Variants in GTF2H5 observed in about 807,000 individuals in gnomAD.
The protein encoded by GTF2H5 is TFB5 ortholog.
In GTF2H5, 5 loss-of-function variants were observed where a neutral mutation model predicts 7.1. The observed-to-expected ratio is 0.71, with a 90% confidence interval of 0.37 to 1.49. The LOEUF is 1.49. GTF2H5 is among the 40% of genes most tolerant of loss of function. The pLI is 0.03. For missense variants in GTF2H5, 80 were observed against 83.0 expected, an observed-to-expected ratio of 0.96 and a Z score of 0.14; for synonymous variants, 30 against 31.7, an observed-to-expected ratio of 0.95 and a Z score of 0.18.
At chr6:158,190,677 T>C in intron 2 of GTF2H5, 1 of 455,496 alleles carries the variant, frequency 2.2e-6, no homozygotes, top group Non-Finnish European at 4.4e-6. Flanking sequence ...TACTTAAATC[T>C]TATTTTTCTT....
At position 158,192,295 on chromosome 6, in the gene GTF2H5, T is replaced by C; in HGVS notation, c.*138T>C. On this transcript the variant is annotated 3_prime_UTR_variant, in exon 3 of 3. Coordinates refer to ENST00000607778, the MANE Select transcript of GTF2H5 (RefSeq NM_207118.3). ...GGGAAAGACTGAGGGATCATGATCATTTGTTCAGAAAAAAAGCCCCTGAAC... is the reference window on the plus strand; with the variant it reads ...GGGAAAGACTGAGGGATCATGATCACTTGTTCAGAAAAAAAGCCCCTGAAC... 1 of 682,276 alleles carries C rather than the reference T, an allele frequency of 1.5e-6. No homozygotes were observed. Among genetic ancestry groups the C allele is most frequent in the Non-Finnish European group, 2.6e-6 (1 of 386,836 alleles). The allele number at this position is 682,276 out of a possible 1,614,324, so 42.3% of individuals were successfully genotyped here. A position where few individuals can be genotyped will look rare whatever the true frequency, so the allele number is the denominator to read the frequency against.
intron 2 of GTF2H5, among the ~76,000 whole-genome samples, chr6:158,173,290 AT>A (rs538030545): frequency 1.5e-4 from 23 of 152,104 alleles, no homozygotes; most frequent in Non-Finnish European, 2.5e-4. Context: ...AGTCTGCACA[AT>A]TTTTCAAAAG....
chr6:158,172,204 T>TATTC (rs1785866894), intron 2 of GTF2H5, among the ~76,000 whole-genome samples: 1 of 152,198 alleles, frequency 6.6e-6, no homozygotes, highest in African/African-American at 2.4e-5. Flanking sequence ...GTTTGTTAAA[T>TATTC]ATTCACTTCT....
chr6:158,169,772 A>ATATATTGTATATTATATATT (rs1187068824), intron 1 of GTF2H5, among the ~76,000 whole-genome samples: 21 of 53,932 alleles, frequency 3.9e-4, no homozygotes, highest in East Asian at 1.4e-3. Context: ...TATTATATAT[A>ATATATTGTATATTATATATT]ATATATTGTA....
At chr6:158,169,745 T>TTATATAATATATTTTATATTA (rs1785807118) in intron 1 of GTF2H5, among the ~76,000 whole-genome samples, 1 of 54,038 alleles carries the variant, frequency 1.9e-5, no homozygotes, top group Non-Finnish European at 2.9e-5. Flanking sequence ...ATATTATATA[T>TTATATAATATATTTTATATTA]TATATAATAT....
At chr6:158,169,433 T>C (rs1169206334) in intron 1 of GTF2H5, among the ~76,000 whole-genome samples, 12 of 63,410 alleles carry the variant, frequency 1.9e-4, no homozygotes, top group East Asian at 6.0e-4. Flanking sequence ...TAATATATTG[T>C]ATATTATATA....
chr6:158,183,459 C>T (rs1262983062), intron 2 of GTF2H5, among the ~76,000 whole-genome samples: 1 of 152,184 alleles, frequency 6.6e-6, no homozygotes, highest in Non-Finnish European at 1.5e-5. Flanking sequence ...CTGTGTGCTG[C>T]CTTTTGTTCA....
chr6:158,178,456 C>CAA lies in GTF2H5; in HGVS notation c.35+7938_35+7939dup, dbSNP rs34745319. Among the ~76,000 whole-genome samples the CAA allele has an allele frequency of 9.4e-3, 825 of 88,134 alleles. 13 individuals carry two copies. Among genetic ancestry groups the CAA allele is most frequent in the African/African-American group, 0.023 (538 of 23,206 alleles). 57.8% of individuals were successfully genotyped at this position (88,134 alleles called of 152,430 possible). ...TGGGAGACAGAGCGAGACTCCATCT[C>CAA]AAAAAAAAAAAAAAAAAAAAAGCAT... is the stretch of plus-strand genomic sequence containing the variant. On this transcript the variant is annotated intron_variant, in intron 2 of 2. Coordinates refer to ENST00000607778, the MANE Select transcript of GTF2H5 (RefSeq NM_207118.3).
intron 2 of GTF2H5, among the ~76,000 whole-genome samples, chr6:158,178,629 G>A (rs1396334341): frequency 6.6e-6 from 1 of 151,998 alleles, no homozygotes; most frequent in Non-Finnish European, 1.5e-5. Flanking sequence ...TTATATATCT[G>A]TTGGCTGCAT....
intron 2 of GTF2H5, among the ~76,000 whole-genome samples, chr6:158,175,063 T>C (rs112334272): frequency 1.9e-3 from 277 of 146,600 alleles, no homozygotes; most frequent in African/African-American, 6.4e-3. Context: ...CACACACACA[T>C]ACACATATAT....
At chr6:158,182,747 T>C (rs1233742895) in intron 2 of GTF2H5, among the ~76,000 whole-genome samples, 2 of 152,114 alleles carry the variant, frequency 1.3e-5, no homozygotes, top group Non-Finnish European at 2.9e-5. Context: ...AGCTCTTCTC[T>C]ACACTGGTTA....
chr6:158,172,062 G>A lies in GTF2H5; in HGVS notation c.35+1524G>A, dbSNP rs531391565. On this transcript the variant is annotated intron_variant, in intron 2 of 2. Transcript: ENST00000607778. ...TGTCAGCTATCACTTTTTTTCCCTC[G>A]TTTCTTCCAATTCTAAGTTTAATCT... 9.2e-3 allele frequency among the ~76,000 whole-genome samples: 565 copies of A among 61,280 alleles called. 1 individual carries two copies. The highest frequency in any genetic ancestry group is 0.011 in the Non-Finnish European group (409 of 36,122). 40.2% of individuals were successfully genotyped at this position (61,280 alleles called of 152,430 possible).
intron 2 of GTF2H5, among the ~76,000 whole-genome samples, chr6:158,171,754 C>G (rs190532568): frequency 2.0e-5 from 3 of 152,046 alleles, no homozygotes; most frequent in African/African-American, 7.2e-5. Flanking sequence ...TGGTAGCTGA[C>G]GAAGGACATG....
intron 2 of GTF2H5, among the ~76,000 whole-genome samples, chr6:158,181,739 C>T (rs1174301527): frequency 6.6e-6 from 1 of 151,916 alleles, no homozygotes; most frequent in Non-Finnish European, 1.5e-5. Flanking sequence ...GTAGATCTTC[C>T]TCCATCCCTT....
rs1777118648 is a variant in GTF2H5 at position 158,196,660 on chromosome 6, GAACA to G, written c.*4508_*4511del. ...ATGAATTCTGCTAAAACTGAAGCAA[GAACA>G]AACATCAAATTTATGGCAAAGCTTA... On this transcript the variant is annotated 3_prime_UTR_variant, in exon 3 of 3. Transcript: ENST00000607778. 1 of 152,144 alleles carries G rather than the reference GAACA, an allele frequency of 6.6e-6. No homozygotes were observed. Among genetic ancestry groups the G allele is most frequent in the South Asian group, 2.1e-4 (1 of 4,824 alleles). The allele number at this position is 152,144 out of a possible 1,614,324, so 9.4% of individuals were successfully genotyped here.
At chr6:158,184,623 A>T (rs930242075) in intron 2 of GTF2H5, among the ~76,000 whole-genome samples, 1 of 152,222 alleles carries the variant, frequency 6.6e-6, no homozygotes, top group Non-Finnish European at 1.5e-5. Context: ...CTCAGAAAAC[A>T]CTTTGGAAAA....
At chr6:158,169,757 T>A (rs1311611624) in intron 1 of GTF2H5, among the ~76,000 whole-genome samples, 2 of 83,854 alleles carry the variant, frequency 2.4e-5, no homozygotes, top group African/African-American at 9.7e-5. Context: ...ATATAATATA[T>A]TGTATATTAT....
chr6:158,188,593 C>G (rs1583637546), intron 2 of GTF2H5, among the ~76,000 whole-genome samples: 1 of 152,146 alleles, frequency 6.6e-6, no homozygotes, highest in East Asian at 1.9e-4. Flanking sequence ...TGAAATTTCT[C>G]AGTGTACAGT....
In GTF2H5 at chr6:158,192,331, A is replaced by T; in HGVS notation, c.*174A>T. 1 of 576,354 alleles carries T rather than the reference A, an allele frequency of 1.7e-6. No homozygotes were observed. The highest frequency in any genetic ancestry group is 3.1e-6 in the Non-Finnish European group (1 of 327,488). 35.7% of individuals were successfully genotyped at this position (576,354 alleles called of 1,614,324 possible). A position where few individuals can be genotyped will look rare whatever the true frequency, so the allele number is the denominator to read the frequency against. ...AAAAAGCCCCTGAACTGATTTTGTT[A>T]CCATAGAATTTAAAAAAAAAAAAAG... On this transcript the variant is annotated 3_prime_UTR_variant, in exon 3 of 3. Coordinates refer to ENST00000607778, the MANE Select transcript of GTF2H5 (RefSeq NM_207118.3).
Sources: allele counts gnomAD v4.1 joint callset (sites outside exome capture counted in the v4.1 genomes callset), GRCh38; gene constraint gnomAD v4.1.1; transcripts MANE v1.5; gene names NCBI Gene and HGNC (gene_info 2026-07-23, HGNC 2026-07-21).